Variants in KCTD8 observed in about 807,000 individuals in gnomAD.
KCTD8 encodes BTB/POZ domain-containing protein KCTD8.
A neutral mutation model predicts 31.5 loss-of-function variants in KCTD8; 27 were observed. That is an observed-to-expected ratio of 0.86 (90% CI 0.63 to 1.18). The LOEUF (loss-of-function observed/expected upper bound fraction) is 1.18. KCTD8 is among the 50% of genes most tolerant of loss of function. The probability of loss-of-function intolerance (pLI) is 0.00; values close to 1 mark genes in which losing one functional copy is unlikely to be tolerated. For synonymous variants in KCTD8, 290 were observed against 280.0 expected (o/e 1.04, Z -0.36); for missense variants, 658 against 647.7 (o/e 1.02, Z -0.17).
chr4:44,334,872 A>G (rs1718681963), intron 1 of KCTD8, among the ~76,000 whole-genome samples: 1 of 152,164 alleles, frequency 6.6e-6, no homozygotes, highest in South Asian at 2.1e-4. Flanking sequence ...AAACCCAAAC[A>G]TCCAATTACA....
intron 1 of KCTD8, among the ~76,000 whole-genome samples, chr4:44,264,763 C>T (rs1157586764): frequency 6.6e-6 from 1 of 152,150 alleles, no homozygotes; most frequent in Non-Finnish European, 1.5e-5. Flanking sequence ...GGGTCCTACA[C>T]CCATGGAGTC....
intron 1 of KCTD8, among the ~76,000 whole-genome samples, chr4:44,278,907 G>A (rs930696766): frequency 6.6e-6 from 1 of 151,974 alleles, no homozygotes; most frequent in African/African-American, 2.4e-5. Context: ...TGCTGTGACT[G>A]CCAGGCTATC....
rs1171670439 is a variant in KCTD8 at position 44,248,822 on chromosome 4, T to C, written c.962-73572A>G. 2.6e-5 allele frequency among the ~76,000 whole-genome samples: 4 copies of C among 151,662 alleles called. No homozygotes were observed. In the East Asian group the frequency reaches 7.8e-4, roughly 29 times the overall value. Reference sequence around the variant, plus strand: ...ATGACCAAGTTGCCATCAGCCTGGGTTCTTGAAAAACAACCTGGAGCAGAT... The same window carrying C: ...ATGACCAAGTTGCCATCAGCCTGGGCTCTTGAAAAACAACCTGGAGCAGAT... On this transcript the variant is annotated intron_variant, in intron 1 of 1. Transcript: ENST00000360029.
intron 1 of KCTD8, among the ~76,000 whole-genome samples, chr4:44,424,621 T>G (rs1388619600): frequency 3.3e-5 from 5 of 152,034 alleles, no homozygotes; most frequent in Non-Finnish European, 7.4e-5. Flanking sequence ...GTTTGGCAAT[T>G]GTTTCAGACT....
At chr4:44,379,921 T>C (rs909478381) in intron 1 of KCTD8, among the ~76,000 whole-genome samples, 4 of 152,052 alleles carry the variant, frequency 2.6e-5, no homozygotes, top group African/African-American at 7.2e-5. Flanking sequence ...TTCCCTAATA[T>C]AGTTAGGTGT....
intron 1 of KCTD8, among the ~76,000 whole-genome samples, chr4:44,365,545 G>A (rs1719609032): frequency 6.6e-6 from 1 of 151,928 alleles, no homozygotes; most frequent in Admixed American, 6.6e-5. Flanking sequence ...AAAAAAACAA[G>A]GTAAATGAAA....
chr4:44,231,143 G>C (rs867605798), intron 1 of KCTD8, among the ~76,000 whole-genome samples: 4 of 152,086 alleles, frequency 2.6e-5, no homozygotes, highest in South Asian at 2.1e-4. Flanking sequence ...AGAGTGGGTT[G>C]CTATTCAATA....
chr4:44,418,014 T>TGAAGAGTGGGA (rs1485474866), intron 1 of KCTD8, among the ~76,000 whole-genome samples: 3 of 152,118 alleles, frequency 2.0e-5, no homozygotes, highest in Non-Finnish European at 4.4e-5. Flanking sequence ...TTCAGTAATC[T>TGAAGAGTGGGA]CAATGTCTAG....
intron 1 of KCTD8, among the ~76,000 whole-genome samples, chr4:44,264,290 A>T (rs1402422371): frequency 6.6e-6 from 1 of 152,188 alleles, no homozygotes; most frequent in Admixed American, 6.5e-5. Context: ...TTACCCTAAT[A>T]TTTGGGTCAG....
intron 1 of KCTD8, among the ~76,000 whole-genome samples, chr4:44,183,891 A>G (rs1007107558): frequency 2.2e-4 from 33 of 152,246 alleles, no homozygotes; most frequent in African/African-American, 7.2e-4. Context: ...ATGATGTGTG[A>G]ATGGTTATGT....
intron 1 of KCTD8, among the ~76,000 whole-genome samples, chr4:44,229,832 C>CT (rs71188265): frequency 4.0e-5 from 6 of 151,050 alleles, no homozygotes; most frequent in South Asian, 2.1e-4. Flanking sequence ...TTTTCTTTTT[C>CT]TTTTTTTTAT....
intron 1 of KCTD8, among the ~76,000 whole-genome samples, chr4:44,232,785 T>G (rs1452793107): frequency 6.6e-6 from 1 of 152,076 alleles, no homozygotes; most frequent in Non-Finnish European, 1.5e-5. Flanking sequence ...AGTTGAGATA[T>G]AAGTACATTA....
intron 1 of KCTD8, among the ~76,000 whole-genome samples, chr4:44,290,768 T>C (rs1001865643): frequency 1.3e-5 from 2 of 151,874 alleles, no homozygotes; most frequent in African/African-American, 4.8e-5. Flanking sequence ...ATTAAAAAAA[T>C]TAGAGACACA....
intron 1 of KCTD8, among the ~76,000 whole-genome samples, chr4:44,409,718 A>G (rs924767275): frequency 2.0e-5 from 3 of 152,194 alleles, no homozygotes; most frequent in African/African-American, 7.2e-5. Flanking sequence ...AGCATTAAAA[A>G]AAAGCTTTTG....
chr4:44,201,973 A>C (rs1295219438), intron 1 of KCTD8, among the ~76,000 whole-genome samples: 2 of 152,092 alleles, frequency 1.3e-5, no homozygotes. Flanking sequence ...GCTTTAAAGA[A>C]TGGCCAAAGG....
At chr4:44,440,902 G>A (rs1721795266) in intron 1 of KCTD8, among the ~76,000 whole-genome samples, 1 of 152,232 alleles carries the variant, frequency 6.6e-6, no homozygotes, top group South Asian at 2.1e-4. Flanking sequence ...ATGCCAAGAG[G>A]TACCCTGAAA....
intron 1 of KCTD8, among the ~76,000 whole-genome samples, chr4:44,394,228 C>T (rs919080533): frequency 6.6e-6 from 1 of 151,990 alleles, no homozygotes; most frequent in African/African-American, 2.4e-5. Context: ...TCACATCCAT[C>T]GCCTCAGTTA....
chr4:44,437,434 A>G (rs766899782), intron 1 of KCTD8, among the ~76,000 whole-genome samples: 1 of 152,200 alleles, frequency 6.6e-6, no homozygotes, highest in African/African-American at 2.4e-5. Flanking sequence ...AATATCGGTT[A>G]ATGAATGCAT....
At chr4:44,377,429 G>A (rs1489624217) in intron 1 of KCTD8, among the ~76,000 whole-genome samples, 1 of 152,218 alleles carries the variant, frequency 6.6e-6, no homozygotes, top group African/African-American at 2.4e-5. Context: ...GAGGAGGCCA[G>A]CATAGGCTCA....
Sources: allele counts gnomAD v4.1 joint callset (sites outside exome capture counted in the v4.1 genomes callset), GRCh38; gene constraint gnomAD v4.1.1; transcripts MANE v1.5; gene names NCBI Gene and HGNC (gene_info 2026-07-23, HGNC 2026-07-21).